The following ADCY8 variants were observed in gnomAD, a reference collection of about 807,000 sequenced individuals.
The protein encoded by ADCY8 is adenylate cyclase 8.
ADCY8 carries 51 observed loss-of-function variants against 119.7 expected under a neutral mutation model. That is an observed-to-expected ratio of 0.43 (90% CI 0.34 to 0.54). ADCY8 has a LOEUF of 0.54. Ranked by LOEUF, ADCY8 falls within the 20% of genes least tolerant of loss-of-function variation. The pLI is 0.03. For missense variants in ADCY8, 1,383 were observed against 1,598.8 expected (o/e 0.87, Z 2.30); for synonymous variants, 665 against 651.0 (o/e 1.02, Z -0.33).
chr8:130,828,892 G>A (rs1020069782), intron 12 of ADCY8, among the ~76,000 whole-genome samples: 1 of 152,216 alleles, frequency 6.6e-6, no homozygotes, highest in Admixed American at 6.5e-5. Flanking sequence ...GATAATGGCA[G>A]GGTATAGAGC....
At chr8:130,947,360 CA>C (rs1586595999) in intron 3 of ADCY8, among the ~76,000 whole-genome samples, 2 of 152,162 alleles carry the variant, frequency 1.3e-5, no homozygotes, top group East Asian at 3.9e-4. Context: ...GATAATACAG[CA>C]AAGGTCATTA....
intron 2 of ADCY8, among the ~76,000 whole-genome samples, chr8:130,985,472 A>G (rs1286569157): frequency 6.6e-6 from 1 of 152,216 alleles, no homozygotes; most frequent in Non-Finnish European, 1.5e-5. Flanking sequence ...ATAAGGCTGA[A>G]CATGATGGGT....
At position 130,790,954 on chromosome 8, in the gene ADCY8, A is replaced by T. The variant is rs146997791; in HGVS notation, c.3061-5479T>A. 1.1e-4 allele frequency among the ~76,000 whole-genome samples: 16 copies of T among 152,256 alleles called. No homozygotes were observed. The East Asian group carries it at 2.9e-3, about 28-fold the overall frequency. On this transcript the variant is annotated intron_variant, in intron 15 of 17. Transcript: ENST00000286355. ...AATCTCTTGATGATGTAGTTTCCAGATCTGTAGTACTCAGTTTACACGTTC... is the reference window on the plus strand; with the variant it reads ...AATCTCTTGATGATGTAGTTTCCAGTTCTGTAGTACTCAGTTTACACGTTC...
chr8:131,039,186 T>C (rs185164339), intron 1 of ADCY8, among the ~76,000 whole-genome samples, 188 bp downstream of exon 1: 8 of 152,180 alleles, frequency 5.3e-5, no homozygotes, highest in African/African-American at 1.9e-4. Flanking sequence ...CTTTTAGAGG[T>C]CATTTAGTTC....
chr8:130,880,791 T>A (rs1008735848), intron 8 of ADCY8, among the ~76,000 whole-genome samples: 41 of 152,214 alleles, frequency 2.7e-4, no homozygotes. Flanking sequence ...GAGGTGATAC[T>A]AATTTCACAT....
chr8:130,868,001 G>T (rs1563701811), intron 8 of ADCY8, 55 bp from the exon 9 acceptor site: 2 of 1,157,742 alleles, frequency 1.7e-6, no homozygotes, highest in Non-Finnish European at 1.2e-6. Flanking sequence ...CAGTGTTTGA[G>T]GTTGAGGGAA....
intron 2 of ADCY8, among the ~76,000 whole-genome samples, chr8:130,971,804 G>A (rs999954703): frequency 7.2e-5 from 11 of 152,292 alleles, no homozygotes; most frequent in Admixed American, 6.5e-4. Flanking sequence ...AAGCAATGAT[G>A]ATATGACAAA....
intron 11 of ADCY8, among the ~76,000 whole-genome samples, chr8:130,837,635 C>A (rs1279750332): frequency 6.6e-6 from 1 of 152,214 alleles, no homozygotes; most frequent in African/African-American, 2.4e-5. Context: ...GGAAGCTCCC[C>A]AGCCTATTCC....
chr8:130,916,965 G>A (rs531174000), intron 5 of ADCY8, among the ~76,000 whole-genome samples: 1 of 152,134 alleles, frequency 6.6e-6, no homozygotes, highest in Non-Finnish European at 1.5e-5. Flanking sequence ...AGGTCTCCCC[G>A]ACCGAGCTGG....
intron 9 of ADCY8, among the ~76,000 whole-genome samples, chr8:130,858,571 G>A (rs1027733447): frequency 1.3e-5 from 2 of 152,086 alleles, no homozygotes; most frequent in Admixed American, 6.6e-5. Context: ...CTGAGGTAGT[G>A]CTTGTGAGGT....
At chr8:130,786,775 G>A (rs1815260841) in intron 15 of ADCY8, among the ~76,000 whole-genome samples, 1 of 152,176 alleles carries the variant, frequency 6.6e-6, no homozygotes, top group South Asian at 2.1e-4. Flanking sequence ...ACAGGGTAGA[G>A]GGATGAGGAG....
chr8:130,875,978 A>G (rs1468496267), intron 8 of ADCY8, among the ~76,000 whole-genome samples: 1 of 152,222 alleles, frequency 6.6e-6, no homozygotes, highest in Non-Finnish European at 1.5e-5. Flanking sequence ...AGTTATCATA[A>G]TATAAAACTG....
intron 2 of ADCY8, among the ~76,000 whole-genome samples, chr8:130,965,940 T>C (rs1821748986): frequency 6.6e-6 from 1 of 152,198 alleles, no homozygotes; most frequent in African/African-American, 2.4e-5. Context: ...TGTGAAATAT[T>C]TGAGACCAAG....
intron 1 of ADCY8, among the ~76,000 whole-genome samples, chr8:131,028,328 C>G (rs1228108968): frequency 1.3e-5 from 2 of 152,220 alleles, no homozygotes; most frequent in Admixed American, 1.3e-4. Flanking sequence ...TCATAATTCA[C>G]CTGGCAAGAG....
rs531737658 is a variant in ADCY8 at position 130,992,414 on chromosome 8, T to TGCCTGGC, written c.961-1873_961-1872insGCCAGGC. Among the ~76,000 whole-genome samples, 155 of 35,336 alleles carry TGCCTGGC rather than the reference T, an allele frequency of 4.4e-3. 12 individuals are homozygous for TGCCTGGC. Among genetic ancestry groups the TGCCTGGC allele is most frequent in the African/African-American group, 7.2e-3 (68 of 9,394 alleles). 23.2% of individuals were successfully genotyped at this position (35,336 alleles called of 152,430 possible). ...ATATATATATATATATATATATATATATATATATATATATATTTGAGATAG... is the reference window on the plus strand; with the variant it reads ...ATATATATATATATATATATATATATGCCTGGCATATATATATATATATTTGAGATAG... On this transcript the variant is annotated intron_variant, in intron 1 of 17. Coordinates refer to ENST00000286355, the MANE Select transcript of ADCY8 (RefSeq NM_001115.3).
chr8:131,005,290 T>C (rs1016986311), intron 1 of ADCY8, among the ~76,000 whole-genome samples: 1 of 152,208 alleles, frequency 6.6e-6, no homozygotes, highest in African/African-American at 2.4e-5. Context: ...ATTTGCCTGA[T>C]ACACAGTAAA....
chr8:130,846,732 TTCCTTCCCCTTCCTACCTTCTG>T (rs1817318306), intron 11 of ADCY8, among the ~76,000 whole-genome samples: 1 of 140,128 alleles, frequency 7.1e-6, no homozygotes, highest in Non-Finnish European at 1.6e-5. Flanking sequence ...CCTTCCTTCC[TTCCTTCCCCTTCCTACCTTCTG>T]TCCTTCCTTC....
chr8:130,905,841 CAA>C (rs1819766123), intron 6 of ADCY8, among the ~76,000 whole-genome samples: 1 of 152,146 alleles, frequency 6.6e-6, no homozygotes, highest in African/African-American at 2.4e-5. Context: ...TTCTGGAGGA[CAA>C]AGTGAGACCC....
chr8:130,822,534 G>GAATC lies in ADCY8; in HGVS notation c.2676-1118_2676-1115dup, dbSNP rs1371677840. Among the ~76,000 whole-genome samples, 10 of 118,692 alleles carry GAATC rather than the reference G, an allele frequency of 8.4e-5. No homozygotes were observed. The East Asian group carries it at 1.0e-3, about 12-fold the overall frequency. The allele number at this position is 118,692 out of a possible 152,430, so 77.9% of individuals were successfully genotyped here. A position where few individuals can be genotyped will look rare whatever the true frequency, so the allele number is the denominator to read the frequency against. Reference sequence around the variant, plus strand: ...TGAATCCATGAATCCATGAATCCATGAATCCATCCATCCATCCATCCATCC... The same window carrying GAATC: ...TGAATCCATGAATCCATGAATCCATGAATCAATCCATCCATCCATCCATCCATCC... On this transcript the variant is annotated intron_variant, in intron 12 of 17. Coordinates refer to ENST00000286355, the MANE Select transcript of ADCY8 (RefSeq NM_001115.3).
Sources: gnomAD v4.1 joint callset for allele counts (sites outside exome capture counted in the v4.1 genomes callset) on GRCh38, gnomAD v4.1.1 for gene constraint, MANE v1.5 for transcripts, NCBI Gene and HGNC (gene_info 2026-07-23, HGNC 2026-07-21) for gene names.